KCNMB2: variants seen among roughly 807,000 people sequenced by gnomAD.
KCNMB2 encodes potassium calcium-activated channel subfamily M regulatory beta subunit 2, also known as calcium-activated potassium channel subunit beta-2.
KCNMB2 carries 9 observed loss-of-function variants against 24.5 expected under a neutral mutation model. The ratio of observed to expected loss-of-function variants is 0.37; its 90% confidence interval spans 0.22 to 0.64. The LOEUF is 0.64. KCNMB2 is among the 30% of genes least tolerant of loss of function. KCNMB2 has a pLI of 0.63. For missense variants in KCNMB2, 226 were observed against 284.3 expected (o/e 0.79, Z 1.47); for synonymous variants, 109 against 104.4 (o/e 1.04, Z -0.27).
chr3:178,798,983 TAAA>T (rs35483725), intron 1 of KCNMB2, among the ~76,000 whole-genome samples: 7 of 144,380 alleles, frequency 4.8e-5, no homozygotes, highest in Non-Finnish European at 9.3e-5. Context: ...CTCTTGATGA[TAAA>T]AAAAAAAAAC....
intron 1 of KCNMB2, among the ~76,000 whole-genome samples, chr3:178,632,846 G>A (rs1284284439): frequency 6.6e-6 from 1 of 152,166 alleles, no homozygotes; most frequent in Non-Finnish European, 1.5e-5. Flanking sequence ...CTATGAGCCT[G>A]TAAAATCAAA....
intron 1 of KCNMB2, among the ~76,000 whole-genome samples, chr3:178,757,755 GATAT>G (rs200127036): frequency 0.045 from 2,704 of 60,378 alleles, 260 homozygotes; most frequent in East Asian, 0.11. Context: ...TATATAAGAG[GATAT>G]ATATATATAT....
intron 1 of KCNMB2, among the ~76,000 whole-genome samples, chr3:178,631,974 G>T (rs569640921): frequency 2.6e-5 from 4 of 152,160 alleles, no homozygotes; most frequent in Non-Finnish European, 4.4e-5. Context: ...AGAAATATGG[G>T]TTATTTAATT....
chr3:178,607,183 T>C (rs1341303381), intron 1 of KCNMB2, among the ~76,000 whole-genome samples: 2 of 152,098 alleles, frequency 1.3e-5, no homozygotes, highest in Non-Finnish European at 2.9e-5. Context: ...AAGAACTGAA[T>C]ATAGAAACTT....
intron 1 of KCNMB2, among the ~76,000 whole-genome samples, chr3:178,761,890 G>A (rs1423351896): frequency 6.6e-6 from 1 of 152,202 alleles, no homozygotes; most frequent in Non-Finnish European, 1.5e-5. Flanking sequence ...ACAGAAAGTA[G>A]GCTGGGCATG....
intron 1 of KCNMB2, among the ~76,000 whole-genome samples, chr3:178,806,077 T>C (rs943345123): frequency 2.6e-5 from 4 of 152,202 alleles, no homozygotes; most frequent in Non-Finnish European, 5.9e-5. Flanking sequence ...TGCAGTGAGC[T>C]ATGACTGCGC....
At chr3:178,830,276 C>T (rs1277072696) in intron 4 of KCNMB2, among the ~76,000 whole-genome samples, 1 of 152,012 alleles carries the variant, frequency 6.6e-6, no homozygotes, top group East Asian at 1.9e-4. Flanking sequence ...AGATTTATTC[C>T]ATTTGGTTAC....
At chr3:178,628,041 A>C (rs542749437) in intron 1 of KCNMB2, among the ~76,000 whole-genome samples, 2 of 152,198 alleles carry the variant, frequency 1.3e-5, no homozygotes, top group South Asian at 4.2e-4. Flanking sequence ...AAATGACTTC[A>C]CTCTAAATTA....
At chr3:178,840,402 C>T (rs779621312) in intron 4 of KCNMB2, among the ~76,000 whole-genome samples, 8 of 152,156 alleles carry the variant, frequency 5.3e-5, no homozygotes, top group South Asian at 2.1e-4. Context: ...TGAAGGACAG[C>T]GGCCCTCTTC....
At chr3:178,661,889 A>G (rs981037840) in intron 1 of KCNMB2, among the ~76,000 whole-genome samples, 18 of 152,170 alleles carry the variant, frequency 1.2e-4, no homozygotes, top group African/African-American at 3.9e-4. Context: ...AATACACACT[A>G]CTAGATCTAT....
chr3:178,755,151 T>A (rs1723988626), intron 1 of KCNMB2, among the ~76,000 whole-genome samples: 1 of 152,124 alleles, frequency 6.6e-6, no homozygotes, highest in South Asian at 2.1e-4. Flanking sequence ...TGTCAGCAAC[T>A]CCTCCATCTG....
intron 1 of KCNMB2, among the ~76,000 whole-genome samples, chr3:178,798,259 T>C (rs1040144235): frequency 6.6e-6 from 1 of 152,190 alleles, no homozygotes; most frequent in Non-Finnish European, 1.5e-5. Flanking sequence ...TAGTATGATG[T>C]TGGCTGTGGG....
chr3:178,559,279 C>T (rs1484849923), intron 1 of KCNMB2, among the ~76,000 whole-genome samples: 1 of 151,916 alleles, frequency 6.6e-6, no homozygotes, highest in Non-Finnish European at 1.5e-5. Context: ...TAGGGTTATT[C>T]TTGATTCTAG....
At chr3:178,594,973 A>G (rs762911907) in intron 1 of KCNMB2, among the ~76,000 whole-genome samples, 5 of 150,350 alleles carry the variant, frequency 3.3e-5, no homozygotes, top group African/African-American at 4.9e-5. Context: ...TGAGGCTAAT[A>G]TAGACATGGG....
chr3:178,698,017 T>C (rs1217941691), intron 1 of KCNMB2, among the ~76,000 whole-genome samples: 2 of 152,226 alleles, frequency 1.3e-5, no homozygotes, highest in Non-Finnish European at 2.9e-5. Context: ...GAACTTTCTC[T>C]CTAGCTGCCT....
intron 2 of KCNMB2, among the ~76,000 whole-genome samples, chr3:178,815,771 CATTT>C (rs1714382495): frequency 1.3e-5 from 2 of 151,884 alleles, no homozygotes; most frequent in South Asian, 4.1e-4. Context: ...TGTTTATCTA[CATTT>C]ATTACATTAT....
Position 178,769,678 on chromosome 3 carries a change from C to T in KCNMB2, c.-67-37665C>T, listed in dbSNP as rs114012349. ...CAGAGAAATTCCAATCAAGATCCTA[C>T]GAGAATTTTTAAACTTGTAAATGTG... On this transcript the variant is annotated intron_variant, in intron 1 of 4. Coordinates refer to ENST00000452583, the MANE Select transcript of KCNMB2 (RefSeq NM_181361.3). Among the ~76,000 whole-genome samples the T allele has an allele frequency of 3.8e-3, 577 of 152,252 alleles. 6 individuals carry two copies. Among genetic ancestry groups the T allele is most frequent in the African/African-American group, 0.013 (541 of 41,540 alleles).
intron 1 of KCNMB2, among the ~76,000 whole-genome samples, chr3:178,547,548 G>C (rs370611568): frequency 6.6e-6 from 1 of 152,162 alleles, no homozygotes; most frequent in Non-Finnish European, 1.5e-5. Context: ...ATATGTGTGT[G>C]TATGTGTATG....
At chr3:178,677,333 C>A (rs935506293) in intron 1 of KCNMB2, among the ~76,000 whole-genome samples, 1 of 152,102 alleles carries the variant, frequency 6.6e-6, no homozygotes, top group Admixed American at 6.6e-5. Context: ...ACATGGAGGA[C>A]AATTTTAGAC....
Sources: allele counts gnomAD v4.1 joint callset (sites outside exome capture counted in the v4.1 genomes callset), GRCh38; gene constraint gnomAD v4.1.1; transcripts MANE v1.5; gene names NCBI Gene and HGNC (gene_info 2026-07-23, HGNC 2026-07-21).